Variants in SEZ6L observed in about 807,000 individuals in gnomAD.
SEZ6L encodes seizure 6-like protein.
SEZ6L carries 37 observed loss-of-function variants against 106.2 expected under a neutral mutation model. The observed-to-expected ratio is 0.35, with a 90% CI of 0.27 to 0.46. The LOEUF (loss-of-function observed/expected upper bound fraction) is 0.46. Ranked by LOEUF, SEZ6L falls within the 20% of genes least tolerant of loss-of-function variation. The probability of loss-of-function intolerance (pLI) is 1.00; values close to 1 mark genes in which losing one functional copy is unlikely to be tolerated. For missense variants in SEZ6L, 1,172 were observed against 1,332.8 expected (o/e 0.88, Z 1.88); for synonymous variants, 541 against 570.4 (o/e 0.95, Z 0.73).
At chr22:26,327,325 C>G (rs937871484) in intron 9 of SEZ6L, among the ~76,000 whole-genome samples, 2 of 139,584 alleles carry the variant, frequency 1.4e-5, no homozygotes, top group East Asian at 4.1e-4. Flanking sequence ...ACACACCACA[C>G]ACACCCCCAC....
rs71192905 is a variant in SEZ6L at position 26,201,382 on chromosome 22, CAAAAAA to C, written c.94+31636_94+31641del. Among the ~76,000 whole-genome samples the C allele has an allele frequency of 2.9e-3, 222 of 75,312 alleles. 2 individuals are homozygous for C. The highest frequency in any genetic ancestry group is 9.9e-3 in the East Asian group (23 of 2,332). The allele number at this position is 75,312 out of a possible 152,430, so 49.4% of individuals were successfully genotyped here. A position where few individuals can be genotyped will look rare whatever the true frequency, so the allele number is the denominator to read the frequency against. ...CTAAAAATACAAAAATACAAAAATA[CAAAAAA>C]AAAAAAAAAAAAAAAAGAGGAAATT... On this transcript the variant is annotated intron_variant, in intron 1 of 16. Coordinates refer to ENST00000248933, the MANE Select transcript of SEZ6L (RefSeq NM_021115.5).
intron 13 of SEZ6L, among the ~76,000 whole-genome samples, chr22:26,368,033 T>A (rs1477238952): frequency 6.6e-6 from 1 of 152,228 alleles, no homozygotes; most frequent in East Asian, 1.9e-4. Flanking sequence ...GGAAATATGT[T>A]CAGTGTTTTA....
chr22:26,344,856 A>G (rs746356178), intron 10 of SEZ6L, among the ~76,000 whole-genome samples: 1 of 152,340 alleles, frequency 6.6e-6, no homozygotes. Flanking sequence ...AATGAGAACA[A>G]TGAGGCTTAG....
intron 1 of SEZ6L, among the ~76,000 whole-genome samples, chr22:26,252,404 G>C (rs939602136): frequency 1.3e-5 from 2 of 152,194 alleles, no homozygotes; most frequent in African/African-American, 4.8e-5. Context: ...AGAAACATGT[G>C]TGTATATATA....
chr22:26,186,411 A>G (rs1569361516), intron 1 of SEZ6L, among the ~76,000 whole-genome samples: 1 of 152,154 alleles, frequency 6.6e-6, no homozygotes, highest in African/African-American at 2.4e-5. Flanking sequence ...GACCACTGCA[A>G]TGGGATTTTG....
intron 1 of SEZ6L, among the ~76,000 whole-genome samples, chr22:26,233,543 G>A (rs563069204): frequency 6.6e-6 from 1 of 152,366 alleles, no homozygotes; most frequent in South Asian, 2.1e-4. Flanking sequence ...TGAGGAAGCT[G>A]AGGCTCGAAG....
chr22:26,322,664 T>C (rs1265171718), intron 9 of SEZ6L, among the ~76,000 whole-genome samples: 3 of 152,144 alleles, frequency 2.0e-5, no homozygotes, highest in Admixed American at 2.0e-4. Context: ...AGGCATGAAA[T>C]GAATGCTCTG....
chr22:26,174,505 G>A (rs148190214), intron 1 of SEZ6L, among the ~76,000 whole-genome samples: 215 of 152,322 alleles, frequency 1.4e-3, no homozygotes, highest in Admixed American at 2.8e-3. Flanking sequence ...TGGAACAAAG[G>A]ACTTTGAGCC....
chr22:26,214,074 G>T (rs1427884114), intron 1 of SEZ6L, among the ~76,000 whole-genome samples: 1 of 152,234 alleles, frequency 6.6e-6, no homozygotes, highest in Non-Finnish European at 1.5e-5. Context: ...ATTCATAGTA[G>T]TATTTCAAGA....
intron 1 of SEZ6L, among the ~76,000 whole-genome samples, chr22:26,234,274 G>A (rs1409002667): frequency 1.3e-5 from 2 of 152,132 alleles, no homozygotes; most frequent in Admixed American, 1.3e-4. Context: ...ACCCAGGTTT[G>A]TGTGATCCCA....
intron 9 of SEZ6L, among the ~76,000 whole-genome samples, chr22:26,334,324 TC>T (rs1271251643): frequency 1.3e-5 from 2 of 152,156 alleles, no homozygotes; most frequent in African/African-American, 4.8e-5. Context: ...CCATCTGCCT[TC>T]TTTCTCTGTG....
In SEZ6L at chr22:26,201,382, C is replaced by CAAAA. The variant is rs71192905; in HGVS notation, c.94+31638_94+31641dup. The stretch of plus-strand genomic sequence containing the variant: ...CTAAAAATACAAAAATACAAAAATA[C>CAAAA]AAAAAAAAAAAAAAAAAAAAAAGAG... On this transcript the variant is annotated intron_variant, in intron 1 of 16. Coordinates refer to ENST00000248933, the MANE Select transcript of SEZ6L (RefSeq NM_021115.5). Among the ~76,000 whole-genome samples, 34 of 75,266 alleles carry CAAAA rather than the reference C, an allele frequency of 4.5e-4. 1 individual carries two copies. The highest frequency in any genetic ancestry group is 8.5e-4 in the African/African-American group (15 of 17,630). The allele number at this position is 75,266 out of a possible 152,430, so 49.4% of individuals were successfully genotyped here.
chr22:26,326,175 G>A (rs1338832109), intron 9 of SEZ6L, among the ~76,000 whole-genome samples: 1 of 152,182 alleles, frequency 6.6e-6, no homozygotes, highest in Non-Finnish European at 1.5e-5. Context: ...TTCTCGCCTT[G>A]GTGACTGCAA....
chr22:26,341,588 T>C (rs1008781023), intron 10 of SEZ6L, among the ~76,000 whole-genome samples: 7 of 152,130 alleles, frequency 4.6e-5, no homozygotes, highest in African/African-American at 1.4e-4. Context: ...AATCCATCTA[T>C]CCAACTCCCT....
intron 9 of SEZ6L, 72 bp from the exon 10 acceptor site, chr22:26,340,364 A>G: frequency 7.0e-7 from 1 of 1,431,558 alleles, no homozygotes; most frequent in Non-Finnish European, 9.5e-7. Flanking sequence ...ATTGCCTGAA[A>G]AAGTTAATCA....
intron 5 of SEZ6L, among the ~76,000 whole-genome samples, chr22:26,304,239 C>T (rs370515691): frequency 6.6e-6 from 1 of 151,734 alleles, no homozygotes; most frequent in East Asian, 1.9e-4. Flanking sequence ...GTAATCCCAG[C>T]TACTCAGGAG....
Position 26,169,636 on chromosome 22 carries a change from C to T in SEZ6L, c.-34C>T. On this transcript the variant is annotated 5_prime_UTR_variant, in exon 1 of 17. Coordinates refer to ENST00000248933, the MANE Select transcript of SEZ6L (RefSeq NM_021115.5). Reference sequence around the variant, plus strand: ...CAGCTCCCTCGCCGTCCGCCCGCCCCACAGCCAGCGGCTCCGCGCCCCCTG... The same window carrying T: ...CAGCTCCCTCGCCGTCCGCCCGCCCTACAGCCAGCGGCTCCGCGCCCCCTG... The T allele has an allele frequency of 1.1e-6, 1 of 894,524 alleles. No homozygotes were observed. 55.4% of individuals were successfully genotyped at this position (894,524 alleles called of 1,614,324 possible). A position where few individuals can be genotyped will look rare whatever the true frequency, so the allele number is the denominator to read the frequency against.
intron 10 of SEZ6L, among the ~76,000 whole-genome samples, chr22:26,344,763 A>G (rs957787490): frequency 6.6e-6 from 1 of 152,242 alleles, no homozygotes; most frequent in Admixed American, 6.5e-5. Flanking sequence ...TGTTCACACA[A>G]CATCGTCATA....
intron 1 of SEZ6L, among the ~76,000 whole-genome samples, chr22:26,279,133 C>T (rs1199765727): frequency 6.6e-6 from 1 of 152,188 alleles, no homozygotes; most frequent in African/African-American, 2.4e-5. Context: ...TGGGCATTTC[C>T]CATGCTCTGT....
Sources: gnomAD v4.1 joint callset for allele counts (sites outside exome capture counted in the v4.1 genomes callset) on GRCh38, gnomAD v4.1.1 for gene constraint, MANE v1.5 for transcripts, NCBI Gene and HGNC (gene_info 2026-07-23, HGNC 2026-07-21) for gene names.